Variants in FGD1 observed in about 807,000 individuals in gnomAD.
FGD1 encodes the protein FYVE, RhoGEF and PH domain-containing protein 1.
FGD1 carries 12 observed loss-of-function variants against 65.0 expected under a neutral mutation model. The observed-to-expected ratio is 0.18, with a 90% CI of 0.12 to 0.30. The LOEUF (loss-of-function observed/expected upper bound fraction) is 0.30. Ranked by LOEUF, FGD1 falls within the 10% of genes least tolerant of loss-of-function variation. The pLI is 1.00. For missense variants in FGD1, 542 were observed against 837.6 expected, an observed-to-expected ratio of 0.65 and a Z score of 4.36; for synonymous variants, 333 against 343.9, an observed-to-expected ratio of 0.97 and a Z score of 0.35.
intron 1 of FGD1, among the ~76,000 whole-genome samples, chrX:54,474,793 A>G (rs1476298375): frequency 2.7e-5 from 3 of 112,485 alleles, no homozygotes; most frequent in African/African-American, 9.7e-5. Flanking sequence ...AGGGCCAGAG[A>G]GGCAGTGAGT....
chrX:54,485,895 C>T (rs1923260966), intron 1 of FGD1, among the ~76,000 whole-genome samples: 2 of 109,152 alleles, frequency 1.8e-5, no homozygotes, highest in South Asian at 8.0e-4. Context: ...CTGCCTCAGT[C>T]TCCCGAGTAG....
In FGD1 at chrX:54,471,383, C is replaced by G; in HGVS notation, c.412G>C (p.Gly138Arg). Residue 138 changes from glycine (G) to arginine (R), a missense_variant, in exon 2 of 18, where the codon GGT becomes CGT. Coordinates refer to ENST00000375135, the MANE Select transcript of FGD1 (RefSeq NM_004463.3). ...TGGCTAGGGGTTTCAGTCGGGGGACCTGGGTCTGAGCGAAGCCGCTGGGGA... is the reference window on the plus strand; with the variant it reads ...TGGCTAGGGGTTTCAGTCGGGGGACGTGGGTCTGAGCGAAGCCGCTGGGGA... The part of the protein sequence containing the change: ...EGPQRLRSDP[G>R]PPTETPSQRP... 1 of 1,211,424 alleles carries G rather than the reference C, an allele frequency of 8.3e-7. No homozygotes were observed.
At chrX:54,482,811 A>T (rs924166184) in intron 1 of FGD1, among the ~76,000 whole-genome samples, 4 of 111,202 alleles carry the variant, frequency 3.6e-5, no homozygotes, top group African/African-American at 1.3e-4. Flanking sequence ...GTCAGAAGGG[A>T]GACAGAGACA....
At chrX:54,492,932 A>G (rs1923448015) in intron 1 of FGD1, among the ~76,000 whole-genome samples, 1 of 105,441 alleles carries the variant, frequency 9.5e-6, no homozygotes, top group Non-Finnish European at 1.9e-5. Flanking sequence ...AAAAAAAAAA[A>G]GACACCCACT....
chrX:54,461,048 T>C (rs1195520857), intron 8 of FGD1, among the ~76,000 whole-genome samples: 1 of 111,994 alleles, frequency 8.9e-6, no homozygotes, highest in Non-Finnish European at 1.9e-5. Flanking sequence ...AAATGGACTC[T>C]ATCTGGAGCC....
intron 12 of FGD1, among the ~76,000 whole-genome samples, 162 bp from the exon 13 acceptor site, chrX:54,450,463 GTT>G: frequency 8.9e-6 from 1 of 111,947 alleles, no homozygotes; most frequent in Non-Finnish European, 1.9e-5. Flanking sequence ...ATCTGCCTGG[GTT>G]TATTTATTCA....
At chrX:54,466,950 C>T (rs1219964514) in intron 6 of FGD1, among the ~76,000 whole-genome samples, 2 of 110,124 alleles carry the variant, frequency 1.8e-5, no homozygotes, top group African/African-American at 3.3e-5. Flanking sequence ...GGGATTTTAC[C>T]GTGTTAGCCA....
At chrX:54,472,141 TG>T (rs1270647254) in intron 1 of FGD1, among the ~76,000 whole-genome samples, 1 of 110,024 alleles carries the variant, frequency 9.1e-6, no homozygotes, top group Non-Finnish European at 1.9e-5. Flanking sequence ...AGCTGGGCAG[TG>T]TGGTGTGCAC....
At chrX:54,460,812 C>T (rs762671982) in intron 8 of FGD1, among the ~76,000 whole-genome samples, 2 of 111,349 alleles carry the variant, frequency 1.8e-5, no homozygotes, top group Non-Finnish European at 3.8e-5. Context: ...AACCTGGGGC[C>T]AATTTTAGAG....
At chrX:54,455,112 G>A (rs1319191190) in intron 12 of FGD1, among the ~76,000 whole-genome samples, 1 of 112,352 alleles carries the variant, frequency 8.9e-6, no homozygotes, top group Non-Finnish European at 1.9e-5. Flanking sequence ...TATTTGTGGT[G>A]GTATTATTCA....
At chrX:54,482,964 G>A (rs1382409225) in intron 1 of FGD1, among the ~76,000 whole-genome samples, 1 of 112,009 alleles carries the variant, frequency 8.9e-6, no homozygotes, top group African/African-American at 3.2e-5. Context: ...CTGTGGCATT[G>A]AATCCTTACA....
chrX:54,473,979 C>CA (rs772527187), intron 1 of FGD1, among the ~76,000 whole-genome samples: 8 of 93,914 alleles, frequency 8.5e-5, no homozygotes, highest in African/African-American at 3.1e-4. Context: ...GACTCCATCT[C>CA]AAAAAAAAAA....
rs765821164 is a variant in FGD1, at chrX:54,470,315, G to A, written c.802C>T (p.Leu268=). Residue 268 remains leucine, a synonymous_variant, in exon 4 of 18, where the codon CTG becomes TTG. Transcript: ENST00000375135. The part of the protein sequence containing the change: ...EGEASRCLFL[L]APGPRDGEKV... ...TCACCGTCCCGGGGCCCAGGAGCCAGCAGAAACAGGCAGCGGGAGGCCTCA... is the reference window on the plus strand; with the variant it reads ...TCACCGTCCCGGGGCCCAGGAGCCAACAGAAACAGGCAGCGGGAGGCCTCA... The A allele has an allele frequency of 8.3e-7, 1 of 1,206,581 alleles. No individual in the cohort carries two copies. The highest frequency in any genetic ancestry group is 1.1e-6 in the Non-Finnish European group (1 of 892,889).
At position 54,495,813 on chromosome X, in the gene FGD1, C is replaced by T. The variant is rs1183860958; in HGVS notation, c.-381G>A. On this transcript the variant is annotated 5_prime_UTR_variant, in exon 1 of 18. Transcript: ENST00000375135. ...CGGGGACTCTCCGGTGGACGGCGAG[C>T]CACTTCCGTGGCCCCGGGGCGAGAA... The T allele has an allele frequency of 2.7e-5, 3 of 111,237 alleles. No individual in the cohort carries two copies. The highest frequency in any genetic ancestry group is 9.8e-5 in the African/African-American group (3 of 30,679). 9.2% of individuals were successfully genotyped at this position (111,237 alleles called of 1,213,427 possible). A position where few individuals can be genotyped will look rare whatever the true frequency, so the allele number is the denominator to read the frequency against.
chrX:54,469,887 G>T (rs1569541251), intron 4 of FGD1, 129 bp downstream of exon 4: 2 of 582,925 alleles, frequency 3.4e-6, no homozygotes, highest in East Asian at 6.7e-5. Flanking sequence ...GAAAAGACTT[G>T]CCCAGTGTCA....
At chrX:54,494,582 C>T (rs1412056166) in intron 1 of FGD1, among the ~76,000 whole-genome samples, 1 of 109,251 alleles carries the variant, frequency 9.2e-6, no homozygotes, top group Non-Finnish European at 1.9e-5. Context: ...TGGCTCCATA[C>T]TAGCTGTGTG....
rs1235304493 is a variant in FGD1, at chrX:54,448,950, G to A, written c.2292C>T (p.Cys764=). 8.3e-7 allele frequency: 1 copy of A among 1,210,407 alleles called. No homozygotes were observed. Among genetic ancestry groups the A allele is most frequent in the East Asian group, 3.0e-5 (1 of 33,802 alleles). Residue 764 remains cysteine (C), a synonymous_variant, in exon 16 of 18, where the codon TGC becomes TGT. Coordinates refer to ENST00000375135, the MANE Select transcript of FGD1 (RefSeq NM_004463.3). ...AGACGAGGCGGGCCCGGAACTCGGA[G>A]CACTTCCCACAAACCACCTGGGGTG... The part of the protein sequence containing the change: ...KACGHVVCGK[C]SEFRARLVYD...
intron 1 of FGD1, among the ~76,000 whole-genome samples, chrX:54,494,016 C>A (rs758144106): frequency 1.1e-4 from 12 of 112,565 alleles, no homozygotes; most frequent in Non-Finnish European, 1.7e-4. Context: ...TGGGCTCAGG[C>A]CCGTATGAGA....
chrX:54,455,665 C>T, intron 11 of FGD1, 27 bp downstream of exon 11: 1 of 1,158,899 alleles, frequency 8.6e-7, no homozygotes, highest in Non-Finnish European at 1.2e-6. Context: ...ACTCCAAGTT[C>T]CCATTTCCCA....
Sources: gnomAD v4.1 joint callset for allele counts (sites outside exome capture counted in the v4.1 genomes callset) on GRCh38, gnomAD v4.1.1 for gene constraint, MANE v1.5 for transcripts, NCBI Gene and HGNC (gene_info 2026-07-23, HGNC 2026-07-21) for gene names.